The following MAPK10 variants were observed in gnomAD, a reference collection of about 807,000 sequenced individuals.
MAPK10 encodes JNK3 alpha protein kinase.
In MAPK10, 25 loss-of-function variants were observed where a neutral mutation model predicts 59.3. The ratio of observed to expected loss-of-function variants is 0.42; its 90% confidence interval spans 0.31 to 0.59. The LOEUF (loss-of-function observed/expected upper bound fraction) is 0.59, where lower values mean the gene tolerates loss of function less well. Ranked by LOEUF, MAPK10 falls within the 20% of genes least tolerant of loss-of-function variation. The probability of loss-of-function intolerance (pLI) is 0.15; values close to 1 mark genes in which losing one functional copy is unlikely to be tolerated. For synonymous variants in MAPK10, 190 were observed against 200.5 expected (o/e 0.95, Z 0.44); for missense variants, 351 against 568.9 (o/e 0.62, Z 3.90).
chr4:86,451,357 T>C (rs1750696821), intron 1 of MAPK10, among the ~76,000 whole-genome samples: 1 of 152,198 alleles, frequency 6.6e-6, no homozygotes, highest in South Asian at 2.1e-4. Flanking sequence ...ATTCTGGTGA[T>C]GAGGTAGAGA....
chr4:86,096,795 T>C (rs887940357), intron 9 of MAPK10, among the ~76,000 whole-genome samples: 2 of 152,008 alleles, frequency 1.3e-5, no homozygotes, highest in South Asian at 2.1e-4. Flanking sequence ...CCCCAAACTA[T>C]AGATAAGTAA....
At chr4:86,093,300 C>G (rs1561592154) in intron 9 of MAPK10, among the ~76,000 whole-genome samples, 1 of 151,834 alleles carries the variant, frequency 6.6e-6, no homozygotes. Context: ...CTTAACACAC[C>G]TAAGTATATT....
At chr4:86,046,536 GTA>G (rs1202592272) in intron 11 of MAPK10, among the ~76,000 whole-genome samples, 2 of 152,064 alleles carry the variant, frequency 1.3e-5, no homozygotes, top group African/African-American at 4.8e-5. Flanking sequence ...TGGAAGCACA[GTA>G]TATAGTACAT....
At position 86,546,556 on chromosome 4, in the gene MAPK10, T is replaced by TAA. The variant is rs11386733; in HGVS notation, c.-263+47352_-263+47353dup. Among the ~76,000 whole-genome samples, 485 of 136,966 alleles carry TAA rather than the reference T, an allele frequency of 3.5e-3. 1 individual carries two copies. The highest frequency in any genetic ancestry group is 0.014 in the East Asian group (67 of 4,656). 89.9% of individuals were successfully genotyped at this position (136,966 alleles called of 152,430 possible). On this transcript the variant is annotated intron_variant, in intron 1 of 4. Transcript: ENST00000502302. ...TGGGGGACAAGAGCGAAACTCCTTC[T>TAA]AAAAAAAAAAAAAAAAGAAGAAAGA...
At chr4:86,227,414 G>C (rs2090822766) in intron 2 of MAPK10, among the ~76,000 whole-genome samples, 1 of 151,432 alleles carries the variant, frequency 6.6e-6, no homozygotes, top group Non-Finnish European at 1.5e-5. Context: ...GTGAACCCGG[G>C]AGGTGGAGCT....
intron 1 of MAPK10, among the ~76,000 whole-genome samples, chr4:86,431,673 A>G (rs973594128): frequency 6.6e-6 from 1 of 152,244 alleles, no homozygotes; most frequent in Non-Finnish European, 1.5e-5. Flanking sequence ...TTTGGTCAGA[A>G]GCTAGAAACA....
intron 1 of MAPK10, among the ~76,000 whole-genome samples, chr4:86,450,684 T>C (rs1224700732): frequency 6.6e-6 from 1 of 152,074 alleles, no homozygotes; most frequent in Non-Finnish European, 1.5e-5. Context: ...CAAACCCAGT[T>C]TTCTAGAATT....
intron 4 of MAPK10, among the ~76,000 whole-genome samples, chr4:86,141,642 AG>A (rs2063672429): frequency 6.6e-6 from 1 of 152,204 alleles, no homozygotes; most frequent in Non-Finnish European, 1.5e-5. Context: ...TGGGAGAAAA[AG>A]CTCTGTAGAA....
rs199738802 is a variant in MAPK10 at position 86,067,804 on chromosome 4, G to A, written c.954C>T (p.Phe318=). The change falls in exon 10 of 14, where the codon TTC becomes TTT. Residue 318 remains phenylalanine, a synonymous_variant. Coordinates refer to ENST00000641462, the MANE Select transcript of MAPK10 (RefSeq NM_138982.4). The part of the protein sequence containing the change: ...TFPKLFPDSL[F]PADSEHNKLK... The stretch of plus-strand genomic sequence containing the variant: ...GTTTATTGTGCTCGGAGTCCGCTGG[G>A]AAGAGGGAATCTGGGAAGAGTTTGG... The A allele has an allele frequency of 1.3e-5, 21 of 1,613,602 alleles. No homozygotes were observed. The African/African-American group carries it at 2.1e-4, about 16-fold the overall frequency.
chr4:86,438,653 GC>G (rs1231021946), intron 1 of MAPK10, among the ~76,000 whole-genome samples: 1 of 149,168 alleles, frequency 6.7e-6, no homozygotes, highest in Admixed American at 6.7e-5. Context: ...TCGTGTCTTT[GC>G]ACTGCAGCCT....
At chr4:86,095,027 G>C (rs1237263505) in intron 9 of MAPK10, 1 of 151,810 alleles carries the variant, frequency 6.6e-6, no homozygotes, top group African/African-American at 2.4e-5. Context: ...GTGTATGATA[G>C]TGTATGCATA....
intron 11 of MAPK10, among the ~76,000 whole-genome samples, chr4:86,043,775 G>A (rs1163401645): frequency 1.3e-5 from 2 of 152,102 alleles, no homozygotes; most frequent in African/African-American, 2.4e-5. Context: ...GCATTATCAT[G>A]TTTTCTTCTC....
chr4:86,012,745 A>G lies in MAPK10; in HGVS notation c.*4483T>C, dbSNP rs1193606070. On this transcript the variant is annotated 3_prime_UTR_variant, in exon 14 of 14. Transcript: ENST00000641462. ...AGGTTGCATTTTACCCATTAGACTG[A>G]CTGAATTTAGTTCTCACTGCTCAGA... is the stretch of plus-strand genomic sequence containing the variant. 1 of 152,192 alleles carries G rather than the reference A, an allele frequency of 6.6e-6. No homozygotes were observed. Among genetic ancestry groups the G allele is most frequent in the African/African-American group, 2.4e-5 (1 of 41,452 alleles). 9.4% of individuals were successfully genotyped at this position (152,192 alleles called of 1,614,324 possible). A position where few individuals can be genotyped will look rare whatever the true frequency, so the allele number is the denominator to read the frequency against.
intron 1 of MAPK10, among the ~76,000 whole-genome samples, chr4:86,497,042 C>T (rs75656076): frequency 0.048 from 7,363 of 152,252 alleles, 236 homozygotes; most frequent in African/African-American, 0.061. Flanking sequence ...CTATTTCATT[C>T]TATCCTCAAA....
At chr4:86,043,705 T>C (rs1579067341) in intron 11 of MAPK10, among the ~76,000 whole-genome samples, 1 of 152,264 alleles carries the variant, frequency 6.6e-6, no homozygotes, top group Middle Eastern at 3.4e-3. Flanking sequence ...ACAAAGGCTA[T>C]AAATAAAAGA....
In MAPK10 at chr4:86,159,348, C is replaced by T. The variant is rs1305270639; in HGVS notation, c.186G>A (p.Lys62=). 1.2e-6 allele frequency: 2 copies of T among 1,612,698 alleles called. No homozygotes were observed. The highest frequency in any genetic ancestry group is 1.7e-4 in the Middle Eastern group (1 of 6,054). Residue 62 remains lysine (K), a synonymous_variant, in exon 4 of 14, where the codon AAG becomes AAA. Transcript: ENST00000641462. ...CAATAGGCTTTAGATTCTGGTAGCG[C>T]TTGAGAACTGTGAAGGTTGAGTCTC... is the stretch of plus-strand genomic sequence containing the variant. ...EVGDSTFTVL[K]RYQNLKPIGS...
At chr4:86,134,692 C>G (rs942281986) in intron 4 of MAPK10, among the ~76,000 whole-genome samples, 21 of 152,132 alleles carry the variant, frequency 1.4e-4, no homozygotes, top group Non-Finnish European at 2.6e-4. Flanking sequence ...CCAAGATGGC[C>G]GAATAGGAAC....
At chr4:86,312,514 G>C (rs1464835250) in intron 2 of MAPK10, among the ~76,000 whole-genome samples, 4 of 151,986 alleles carry the variant, frequency 2.6e-5, no homozygotes, top group Non-Finnish European at 5.9e-5. Context: ...ATTGTATCTG[G>C]AATACTGTCC....
At chr4:86,194,552 T>C (rs1190207271) in intron 2 of MAPK10, 145 bp from the exon 3 acceptor site, 9 of 604,476 alleles carry the variant, frequency 1.5e-5, no homozygotes, top group Non-Finnish European at 2.6e-5. Flanking sequence ...ACCTGTACTA[T>C]ACCTTTCACA....
Sources: allele counts gnomAD v4.1 joint callset (sites outside exome capture counted in the v4.1 genomes callset), GRCh38; gene constraint gnomAD v4.1.1; transcripts MANE v1.5; gene names NCBI Gene and HGNC (gene_info 2026-07-23, HGNC 2026-07-21).